Variants in ESR2 observed in about 807,000 individuals in gnomAD.
ESR2 encodes estrogen receptor 2, also known as estrogen receptor beta.
A neutral mutation model predicts 49.6 loss-of-function variants in ESR2; 36 were observed. The observed-to-expected ratio is 0.73, with a 90% CI of 0.56 to 0.96. The LOEUF (loss-of-function observed/expected upper bound fraction) is 0.96, where lower values mean the gene tolerates loss of function less well. Among genes scored for constraint, ESR2 ranks in the 40% least tolerant of loss-of-function variants. ESR2 has a pLI of 0.00. For synonymous variants in ESR2, 320 were observed against 266.1 expected, an observed-to-expected ratio of 1.20 and a Z score of -1.97; for missense variants, 714 against 693.0, an observed-to-expected ratio of 1.03 and a Z score of -0.34.
chr14:64,227,695 T>A, downstream of ESR2: 7 of 1,602,498 alleles, frequency 4.4e-6, no homozygotes, highest in Non-Finnish European at 6.0e-6. Context: ...ATTGTGCATG[T>A]CAATTTTTGT....
At chr14:64,237,351 C>G (rs1374943636) in intron 7 of ESR2, among the ~76,000 whole-genome samples, 2 of 152,122 alleles carry the variant, frequency 1.3e-5, no homozygotes, top group African/African-American at 2.4e-5. Context: ...AGAAAATTAT[C>G]AAAAGTACAG....
chr14:64,229,482 C>A lies in ESR2; in HGVS notation c.*3655G>T, dbSNP rs61174206. Among the ~76,000 whole-genome samples, 24,903 of 152,160 alleles carry A rather than the reference C, an allele frequency of 0.16. 3,759 individuals carry two copies. Among genetic ancestry groups the A allele is most frequent in the African/African-American group, 0.4 (16,663 of 41,466 alleles). ...TGAGAGGTTTACAAACTTACTGTGTCTGTAGGGGTGTTCTGGACATTGTGG... is the reference window on the plus strand; with the variant it reads ...TGAGAGGTTTACAAACTTACTGTGTATGTAGGGGTGTTCTGGACATTGTGG... On this transcript the variant is annotated 3_prime_UTR_variant, in exon 9 of 9. Coordinates refer to ENST00000341099, the MANE Select transcript of ESR2 (RefSeq NM_001437.3).
chr14:64,306,134 G>A (rs1410118238), intron 1 of ESR2, among the ~76,000 whole-genome samples: 4 of 151,734 alleles, frequency 2.6e-5, no homozygotes, highest in South Asian at 2.1e-4. Flanking sequence ...ACTTGAACCC[G>A]GGAGGCAGAA....
chr14:64,275,333 C>A (rs1197936996), intron 3 of ESR2, among the ~76,000 whole-genome samples: 1 of 152,048 alleles, frequency 6.6e-6, no homozygotes, highest in Non-Finnish European at 1.5e-5. Flanking sequence ...TTATTAGTGA[C>A]CTTTTTTGTC....
At chr14:64,284,881 G>A (rs1353901841) in intron 1 of ESR2, among the ~76,000 whole-genome samples, 3 of 141,382 alleles carry the variant, frequency 2.1e-5, no homozygotes, top group South Asian at 2.2e-4. Flanking sequence ...ACGGAGTCTC[G>A]CACTGTCACC....
upstream of ESR2, among the ~76,000 whole-genome samples, chr14:64,295,811 C>T (rs530301938): frequency 5.1e-4 from 78 of 152,094 alleles, 2 homozygotes; most frequent in South Asian, 0.014. Flanking sequence ...TTTGGGAGGC[C>T]GAGGCAGGTG....
At chr14:64,239,590 G>A (rs1378360741) in intron 7 of ESR2, among the ~76,000 whole-genome samples, 1 of 152,120 alleles carries the variant, frequency 6.6e-6, no homozygotes, top group Non-Finnish European at 1.5e-5. Context: ...CTATCCAAGG[G>A]AGGATTTGGG....
At chr14:64,289,251 G>A (rs968850674) in intron 1 of ESR2, among the ~76,000 whole-genome samples, 2 of 152,068 alleles carry the variant, frequency 1.3e-5, no homozygotes. Flanking sequence ...AGTGGCTCAC[G>A]CCTGTAACCC....
chr14:64,269,464 C>T (rs140666872), intron 3 of ESR2, among the ~76,000 whole-genome samples: 3 of 152,226 alleles, frequency 2.0e-5, no homozygotes, highest in African/African-American at 4.8e-5. Flanking sequence ...CTCAGCCTTG[C>T]GACCCTGCAG....
chr14:64,236,493 A>T (rs984097293), intron 7 of ESR2, among the ~76,000 whole-genome samples: 1 of 151,990 alleles, frequency 6.6e-6, no homozygotes, highest in African/African-American at 2.4e-5. Flanking sequence ...GGCTCCGTTT[A>T]ATGACTTCCC....
intron 7 of ESR2, among the ~76,000 whole-genome samples, chr14:64,247,006 C>G (rs1260236617): frequency 6.6e-6 from 1 of 152,066 alleles, no homozygotes; most frequent in Non-Finnish European, 1.5e-5. Context: ...CTTCATTCTC[C>G]CTCACCCAGT....
chr14:64,274,838 C>T (rs1382309726), intron 3 of ESR2, among the ~76,000 whole-genome samples: 1 of 151,938 alleles, frequency 6.6e-6, no homozygotes, highest in African/African-American at 2.4e-5. Flanking sequence ...TTTTAATTTC[C>T]TTCTTAATTT....
intron 7 of ESR2, among the ~76,000 whole-genome samples, chr14:64,246,366 C>A (rs2075855909): frequency 6.6e-6 from 1 of 152,082 alleles, no homozygotes; most frequent in Admixed American, 6.5e-5. Context: ...TCTGCCTTTG[C>A]TTGGGACTTC....
intron 4 of ESR2, among the ~76,000 whole-genome samples, chr14:64,264,707 C>CA (rs1171824091): frequency 2.0e-5 from 3 of 151,782 alleles, no homozygotes; most frequent in Non-Finnish European, 4.4e-5. Context: ...CCTGTCTCTA[C>CA]AAAAAATACA....
At chr14:64,310,309 A>AT (rs1280610166) in intron 1 of ESR2, among the ~76,000 whole-genome samples, 1,659 of 149,386 alleles carry the variant, frequency 0.011, 37 homozygotes, top group Admixed American at 0.05. Context: ...AATAATAATA[A>AT]TAATAATAAT....
intron 1 of ESR2, among the ~76,000 whole-genome samples, chr14:64,313,125 C>T (rs1478798534): frequency 1.3e-5 from 2 of 152,040 alleles, no homozygotes; most frequent in African/African-American, 4.8e-5. Context: ...TTACCAGACA[C>T]AGGGAGGGAC....
chr14:64,288,870 C>T (rs2076824237), intron 1 of ESR2, among the ~76,000 whole-genome samples: 1 of 150,866 alleles, frequency 6.6e-6, no homozygotes, highest in Non-Finnish European at 1.5e-5. Context: ...CCTGTAAACC[C>T]AGCTACTCAG....
chr14:64,307,475 A>G (rs1274019083), intron 1 of ESR2, among the ~76,000 whole-genome samples: 1 of 151,754 alleles, frequency 6.6e-6, no homozygotes, highest in Non-Finnish European at 1.5e-5. Context: ...AGCCTTCCAA[A>G]GTGCTGGAAT....
chr14:64,233,233 C>G lies in ESR2; in HGVS notation c.1497G>C (p.Val499=), dbSNP rs961807473. ...TGATGGAGGACTTGCACCCGCGAAG[C>G]ACGTGGGCATTCAGCATCTCCAGCA... ...DLLLEMLNAH[V]LRGCKSSITG... The change falls in exon 9 of 9, where the codon GTG becomes GTC. Residue 499 remains valine (V), a synonymous_variant. Coordinates refer to ENST00000341099, the MANE Select transcript of ESR2 (RefSeq NM_001437.3). 7.4e-6 allele frequency: 12 copies of G among 1,614,210 alleles called. No individual in the cohort carries two copies. The highest frequency in any genetic ancestry group is 1.7e-5 in the Admixed American group (1 of 60,026).
Sources: gnomAD v4.1 joint callset for allele counts (sites outside exome capture counted in the v4.1 genomes callset) on GRCh38, gnomAD v4.1.1 for gene constraint, MANE v1.5 for transcripts, NCBI Gene and HGNC (gene_info 2026-07-23, HGNC 2026-07-21) for gene names.